PRKG1: variants seen among roughly 807,000 people sequenced by gnomAD.
PRKG1 encodes protein kinase cGMP-dependent 1.
Under a neutral mutation model 88.1 loss-of-function variants are expected in PRKG1, and 35 were observed. That is an observed-to-expected ratio of 0.40 (90% CI 0.30 to 0.53). The LOEUF is 0.53. Among genes scored for constraint, PRKG1 ranks in the 20% least tolerant of loss-of-function variants. The pLI, the probability that PRKG1 is intolerant of heterozygous loss-of-function variation, is 0.59. For missense variants in PRKG1, 540 were observed against 839.8 expected (o/e 0.64, Z 4.41); for synonymous variants, 303 against 292.5 (o/e 1.04, Z -0.37).
chr10:51,157,052 A>AT (rs1291233328), intron 2 of PRKG1, among the ~76,000 whole-genome samples: 8 of 150,984 alleles, frequency 5.3e-5, no homozygotes, highest in Non-Finnish European at 8.9e-5. Flanking sequence ...TGCCTTACAT[A>AT]TTTTTTTTTG....
Position 51,853,582 on chromosome 10 carries a change from T to C in PRKG1, c.698+48892T>C, listed in dbSNP as rs79680406. On this transcript the variant is annotated intron_variant, in intron 4 of 17. Coordinates refer to ENST00000373980, the MANE Select transcript of PRKG1 (RefSeq NM_006258.4). ...ACTTTTCCTTAGGCTGATAATTCTTTAGCAGACAGCAGTGTCTTCCTGAAT... is the reference window on the plus strand; with the variant it reads ...ACTTTTCCTTAGGCTGATAATTCTTCAGCAGACAGCAGTGTCTTCCTGAAT... 3.7e-3 allele frequency among the ~76,000 whole-genome samples: 569 copies of C among 152,320 alleles called. 29 individuals are homozygous for C. In the East Asian group the frequency reaches 0.094, roughly 25 times the overall value.
At chr10:51,763,799 G>A (rs2132532387) in intron 3 of PRKG1, among the ~76,000 whole-genome samples, 1 of 151,952 alleles carries the variant, frequency 6.6e-6, no homozygotes, top group Non-Finnish European at 1.5e-5. Flanking sequence ...AAAGTCAAGG[G>A]GCTGTACTTA....
intron 5 of PRKG1, among the ~76,000 whole-genome samples, chr10:52,052,760 T>G (rs1203367171): frequency 6.6e-6 from 1 of 152,106 alleles, no homozygotes; most frequent in Non-Finnish European, 1.5e-5. Context: ...CTCTCATGAT[T>G]CAATTATCTC....
At chr10:51,672,686 A>G (rs558417306) in intron 3 of PRKG1, among the ~76,000 whole-genome samples, 1 of 152,294 alleles carries the variant, frequency 6.6e-6, no homozygotes, top group Non-Finnish European at 1.5e-5. Context: ...GTCTTCCTAA[A>G]GAGAAAATAC....
intron 5 of PRKG1, among the ~76,000 whole-genome samples, chr10:52,003,644 C>T (rs1182024265): frequency 2.6e-5 from 4 of 152,068 alleles, no homozygotes; most frequent in Non-Finnish European, 4.4e-5. Flanking sequence ...ACGAACCAGA[C>T]GAAGAGTCAG....
chr10:51,898,543 A>T (rs543394927), intron 4 of PRKG1, among the ~76,000 whole-genome samples: 2 of 152,276 alleles, frequency 1.3e-5, no homozygotes, highest in Admixed American at 1.3e-4. Context: ...CAATATTAAA[A>T]AAAAATTTTG....
chr10:51,057,457 A>G (rs929225854), intron 1 of PRKG1, among the ~76,000 whole-genome samples: 2 of 152,188 alleles, frequency 1.3e-5, no homozygotes, highest in African/African-American at 4.8e-5. Flanking sequence ...TACTTAATTC[A>G]TAAGTCTTCA....
At chr10:51,331,974 A>G (rs2132530541) in intron 2 of PRKG1, among the ~76,000 whole-genome samples, 1 of 152,288 alleles carries the variant, frequency 6.6e-6, no homozygotes, top group South Asian at 2.1e-4. Flanking sequence ...CTGAACACCC[A>G]TTCTGAACAA....
At chr10:51,773,879 T>C (rs571616161) in intron 3 of PRKG1, among the ~76,000 whole-genome samples, 1 of 152,198 alleles carries the variant, frequency 6.6e-6, no homozygotes, top group South Asian at 2.1e-4. Flanking sequence ...AAGCCTTAGT[T>C]CCCAGCAACT....
intron 7 of PRKG1, among the ~76,000 whole-genome samples, chr10:52,088,258 A>G (rs899807844): frequency 5.9e-5 from 9 of 151,852 alleles, no homozygotes; most frequent in African/African-American, 2.2e-4. Flanking sequence ...GTTCTTTTTA[A>G]TGACTAAATA....
intron 3 of PRKG1, among the ~76,000 whole-genome samples, chr10:51,625,257 A>C (rs1316053440): frequency 6.6e-6 from 1 of 152,064 alleles, no homozygotes; most frequent in Non-Finnish European, 1.5e-5. Context: ...CGGGTGGATC[A>C]CCTGAGATCC....
chr10:51,394,832 GTCT>G (rs1837533792), intron 2 of PRKG1, among the ~76,000 whole-genome samples: 1 of 152,122 alleles, frequency 6.6e-6, no homozygotes, highest in South Asian at 2.1e-4. Context: ...AACCCAGAAG[GTCT>G]TCTTCCAGGA....
At chr10:51,379,730 G>A (rs943337512) in intron 2 of PRKG1, among the ~76,000 whole-genome samples, 2 of 152,210 alleles carry the variant, frequency 1.3e-5, no homozygotes, top group Admixed American at 1.3e-4. Flanking sequence ...TTTAACTGAA[G>A]AGTTGAGAGA....
chr10:51,935,207 A>G (rs11000191), intron 5 of PRKG1, among the ~76,000 whole-genome samples: 30,322 of 152,112 alleles, frequency 0.2, 3,992 homozygotes, highest in Non-Finnish European at 0.29. Context: ...AGTAGGGGAC[A>G]TCAGCTTCTA....
At chr10:52,103,480 G>A (rs757862814) in intron 7 of PRKG1, among the ~76,000 whole-genome samples, 28 of 151,930 alleles carry the variant, frequency 1.8e-4, no homozygotes, top group Non-Finnish European at 3.2e-4. Context: ...TTCACTTAAG[G>A]AATTAGTAAC....
intron 8 of PRKG1, among the ~76,000 whole-genome samples, chr10:52,155,607 GA>G (rs1177587515): frequency 1.3e-5 from 2 of 151,188 alleles, no homozygotes; most frequent in Non-Finnish European, 3.0e-5. Flanking sequence ...TGAAATAACT[GA>G]AAAAAAATCA....
intron 1 of PRKG1, among the ~76,000 whole-genome samples, chr10:51,066,910 G>T (rs562929332): frequency 6.6e-6 from 1 of 151,904 alleles, no homozygotes; most frequent in Non-Finnish European, 1.5e-5. Flanking sequence ...CATTAGAGTC[G>T]CCTGGTTGCT....
At chr10:51,748,562 A>G (rs1403127470) in intron 3 of PRKG1, among the ~76,000 whole-genome samples, 2 of 152,222 alleles carry the variant, frequency 1.3e-5, no homozygotes, top group East Asian at 3.8e-4. Context: ...AATCTGAAAG[A>G]TAGCATTTCA....
chr10:51,807,517 C>T (rs192226573), intron 4 of PRKG1, among the ~76,000 whole-genome samples: 1 of 152,230 alleles, frequency 6.6e-6, no homozygotes, highest in Admixed American at 6.5e-5. Context: ...GAAGTCCTGA[C>T]AATACAGGGG....
Sources: gnomAD v4.1 joint callset for allele counts (sites outside exome capture counted in the v4.1 genomes callset) on GRCh38, gnomAD v4.1.1 for gene constraint, MANE v1.5 for transcripts, NCBI Gene and HGNC (gene_info 2026-07-23, HGNC 2026-07-21) for gene names.